SH3GL2: variants seen among roughly 807,000 people sequenced by gnomAD.
The protein encoded by SH3GL2 is SH3 domain containing GRB2 like 2, endophilin A1.
Under a neutral mutation model 46.0 loss-of-function variants are expected in SH3GL2, and 24 were observed. The ratio of observed to expected loss-of-function variants is 0.52; its 90% CI spans 0.38 to 0.73. The LOEUF is 0.73. Ranked by LOEUF, SH3GL2 falls within the 30% of genes least tolerant of loss-of-function variation. The probability of loss-of-function intolerance (pLI) is 0.00; values close to 1 mark genes in which losing one functional copy is unlikely to be tolerated. For synonymous variants in SH3GL2, 196 were observed against 147.1 expected (o/e 1.33, Z -2.40); for missense variants, 413 against 424.2 (o/e 0.97, Z 0.23).
At chr9:17,678,377 G>C (rs1184229025) in intron 1 of SH3GL2, among the ~76,000 whole-genome samples, 1 of 151,844 alleles carries the variant, frequency 6.6e-6, no homozygotes, top group East Asian at 1.9e-4. Context: ...GCATTTCTCT[G>C]ATGGTCAGTG....
chr9:17,589,551 A>G (rs1370948898), intron 1 of SH3GL2: 4 of 152,150 alleles, frequency 2.6e-5, no homozygotes, highest in Non-Finnish European at 5.9e-5. Flanking sequence ...GAATAGAGAG[A>G]CTACAGATCT....
chr9:17,716,848 C>T (rs1821773527), intron 1 of SH3GL2, among the ~76,000 whole-genome samples: 1 of 152,080 alleles, frequency 6.6e-6, no homozygotes, highest in South Asian at 2.1e-4. Flanking sequence ...GTAGGGCTCA[C>T]CTCATTTGTT....
At chr9:17,647,414 T>TCTCC (rs1035070916) in intron 1 of SH3GL2, among the ~76,000 whole-genome samples, 5 of 143,624 alleles carry the variant, frequency 3.5e-5, no homozygotes, top group Non-Finnish European at 7.9e-5. Context: ...TGTTAGTTTC[T>TCTCC]CTCTCTCTCT....
At chr9:17,652,795 A>C (rs966465498) in intron 1 of SH3GL2, among the ~76,000 whole-genome samples, 1 of 152,220 alleles carries the variant, frequency 6.6e-6, no homozygotes, top group Non-Finnish European at 1.5e-5. Context: ...TATGGGAAAC[A>C]TACTGAATTA....
At chr9:17,585,651 G>A (rs1818361693) in intron 1 of SH3GL2, among the ~76,000 whole-genome samples, 1 of 152,206 alleles carries the variant, frequency 6.6e-6, no homozygotes, top group Non-Finnish European at 1.5e-5. Flanking sequence ...AGGACTGTGG[G>A]CAAGTGCCTT....
In SH3GL2 at chr9:17,663,388, T is replaced by A. The variant is rs538523808; in HGVS notation, c.46-83678T>A. 1.3e-3 allele frequency among the ~76,000 whole-genome samples: 202 copies of A among 152,346 alleles called. 1 individual carries two copies. Among genetic ancestry groups the A allele is most frequent in the African/African-American group, 4.7e-3 (196 of 41,576 alleles). On this transcript the variant is annotated intron_variant, in intron 1 of 8. Transcript: ENST00000380607. ...TTTGTCTGCTTTCCTCCTATTAAAA[T>A]TTTTTAAAATTATTTTCCCTCTACT...
chr9:17,740,331 A>G (rs1822488892), intron 1 of SH3GL2, among the ~76,000 whole-genome samples: 1 of 152,134 alleles, frequency 6.6e-6, no homozygotes, highest in South Asian at 2.1e-4. Context: ...CGTAAAGTGA[A>G]TCCACCCTGT....
intron 3 of SH3GL2, among the ~76,000 whole-genome samples, chr9:17,766,416 TACG>T (rs1823319970): frequency 6.6e-6 from 1 of 152,250 alleles, no homozygotes; most frequent in Admixed American, 6.5e-5. Context: ...TGCCTATTCT[TACG>T]ATATTTGTGA....
At chr9:17,651,813 T>G (rs894036513) in intron 1 of SH3GL2, among the ~76,000 whole-genome samples, 3 of 152,186 alleles carry the variant, frequency 2.0e-5, no homozygotes, top group Admixed American at 2.0e-4. Context: ...TTTAAATTCT[T>G]ATTTTGTCTG....
intron 1 of SH3GL2, among the ~76,000 whole-genome samples, chr9:17,604,806 T>A (rs1400931502): frequency 6.6e-6 from 1 of 152,076 alleles, no homozygotes; most frequent in African/African-American, 2.4e-5. Flanking sequence ...AGCTCTGACC[T>A]TGGGTTAGGG....
chr9:17,785,373 G>C (rs1823926851), intron 3 of SH3GL2, among the ~76,000 whole-genome samples: 1 of 152,188 alleles, frequency 6.6e-6, no homozygotes, highest in Admixed American at 6.5e-5. Flanking sequence ...CCCTGGGACA[G>C]GGTTGCAGGA....
chr9:17,688,938 G>T (rs944741254), intron 1 of SH3GL2, among the ~76,000 whole-genome samples: 1 of 152,076 alleles, frequency 6.6e-6, no homozygotes, highest in Non-Finnish European at 1.5e-5. Context: ...AGTGTGACAT[G>T]CTCATAGAGA....
At chr9:17,702,966 C>G (rs576150979) in intron 1 of SH3GL2, among the ~76,000 whole-genome samples, 1 of 151,998 alleles carries the variant, frequency 6.6e-6, no homozygotes, top group East Asian at 1.9e-4. Flanking sequence ...GGATCTTGCT[C>G]TGACCTGAAA....
At chr9:17,764,447 C>G (rs543934119) in intron 3 of SH3GL2, among the ~76,000 whole-genome samples, 1 of 152,316 alleles carries the variant, frequency 6.6e-6, no homozygotes, top group Admixed American at 6.5e-5. Context: ...TTCCCAAACT[C>G]GTGCAGTTTG....
At chr9:17,762,114 A>C (rs151191524) in intron 3 of SH3GL2, among the ~76,000 whole-genome samples, 2 of 152,284 alleles carry the variant, frequency 1.3e-5, no homozygotes, top group African/African-American at 4.8e-5. Flanking sequence ...TTCGGTAGGC[A>C]CTAGGTATAG....
At position 17,601,469 on chromosome 9, in the gene SH3GL2, C is replaced by T. The variant is rs151269647; in HGVS notation, c.45+22182C>T. 1.3e-3 allele frequency among the ~76,000 whole-genome samples: 203 copies of T among 152,270 alleles called. 1 individual carries two copies. The highest frequency in any genetic ancestry group is 4.7e-3 in the African/African-American group (196 of 41,548). ...ATTAACTGTGTGTTTGTGCGTGCCT[C>T]TGCAGTTTGGTTCTCTGGATTCATA... On this transcript the variant is annotated intron_variant, in intron 1 of 8. Coordinates refer to ENST00000380607, the MANE Select transcript of SH3GL2 (RefSeq NM_003026.5).
intron 1 of SH3GL2, among the ~76,000 whole-genome samples, chr9:17,712,973 C>G (rs1821669078): frequency 1.3e-5 from 2 of 151,436 alleles, no homozygotes; most frequent in African/African-American, 4.8e-5. Context: ...AGAGAAAAAG[C>G]ATTCAGTCTT....
intron 1 of SH3GL2, among the ~76,000 whole-genome samples, chr9:17,615,561 A>T (rs1159064892): frequency 6.7e-6 from 1 of 150,086 alleles, no homozygotes; most frequent in South Asian, 2.1e-4. Flanking sequence ...AAGCTGAGGC[A>T]GGAGAAGTTC....
chr9:17,723,132 G>T (rs1821936826), intron 1 of SH3GL2, among the ~76,000 whole-genome samples: 1 of 151,922 alleles, frequency 6.6e-6, no homozygotes, highest in Non-Finnish European at 1.5e-5. Flanking sequence ...GTAGATAAAT[G>T]GTCTTTGTGG....
Sources: gnomAD v4.1 joint callset for allele counts (sites outside exome capture counted in the v4.1 genomes callset) on GRCh38, gnomAD v4.1.1 for gene constraint, MANE v1.5 for transcripts, NCBI Gene and HGNC (gene_info 2026-07-23, HGNC 2026-07-21) for gene names.